Variants in AFF2 observed in about 807,000 individuals in gnomAD.
AFF2 encodes the protein AF4/FMR2 family member 2.
Under a neutral mutation model 76.9 loss-of-function variants are expected in AFF2, and 14 were observed. The observed-to-expected ratio is 0.18, with a 90% CI of 0.12 to 0.28. AFF2 has a LOEUF of 0.28. Ranked by LOEUF, AFF2 falls within the 10% of genes least tolerant of loss-of-function variation. The probability of loss-of-function intolerance (pLI) is 1.00; values close to 1 mark genes in which losing one functional copy is unlikely to be tolerated. For synonymous variants in AFF2, 398 were observed against 366.7 expected (o/e 1.09, Z -0.98); for missense variants, 868 against 1,001.1 (o/e 0.87, Z 1.79).
chrX:148,701,142 C>A (rs1557261851), intron 3 of AFF2, among the ~76,000 whole-genome samples: 1 of 109,955 alleles, frequency 9.1e-6, no homozygotes, highest in Non-Finnish European at 1.9e-5. Context: ...GTAATTCTGG[C>A]AGGAACAATT....
chrX:148,569,836 G>A (rs2053209000), intron 1 of AFF2, among the ~76,000 whole-genome samples: 1 of 111,397 alleles, frequency 9.0e-6, no homozygotes, highest in African/African-American at 3.3e-5. Flanking sequence ...AAAATGTAAT[G>A]TTTACCAAAC....
At chrX:148,940,587 G>A (rs904597563) in intron 9 of AFF2, among the ~76,000 whole-genome samples, 14 of 111,835 alleles carry the variant, frequency 1.3e-4, no homozygotes, top group South Asian at 7.6e-4. Flanking sequence ...GGTCCTGCCA[G>A]TTCTTGGTGA....
intron 7 of AFF2, among the ~76,000 whole-genome samples, chrX:148,847,201 C>T (rs2070678295): frequency 8.9e-6 from 1 of 112,136 alleles, no homozygotes; most frequent in African/African-American, 3.2e-5. Context: ...AGTGGCCTTC[C>T]CAAATGCATG....
At chrX:148,981,256 C>T (rs1352935614) in intron 19 of AFF2, among the ~76,000 whole-genome samples, 2 of 107,812 alleles carry the variant, frequency 1.9e-5, no homozygotes, top group African/African-American at 7.4e-5. Flanking sequence ...TACTAAAATG[C>T]CCTAGCCTAA....
chrX:148,714,686 G>T (rs1200541776), intron 3 of AFF2, among the ~76,000 whole-genome samples: 1 of 111,286 alleles, frequency 9.0e-6, no homozygotes, highest in Non-Finnish European at 1.9e-5. Flanking sequence ...TATGCCAATG[G>T]CCTGTCGATA....
intron 1 of AFF2, among the ~76,000 whole-genome samples, chrX:148,606,743 T>A (rs2053676260): frequency 8.9e-6 from 1 of 111,810 alleles, no homozygotes; most frequent in Admixed American, 9.5e-5. Context: ...AGTAGGCACT[T>A]CAGGACTTTG....
At chrX:148,742,792 G>C (rs781894925) in intron 3 of AFF2, among the ~76,000 whole-genome samples, 1 of 111,937 alleles carries the variant, frequency 8.9e-6, no homozygotes, top group African/African-American at 3.2e-5. Context: ...TCTATTCCTA[G>C]ACTTCCCATT....
intron 3 of AFF2, among the ~76,000 whole-genome samples, chrX:148,753,371 T>G (rs782656782): frequency 8.9e-6 from 1 of 111,804 alleles, no homozygotes; most frequent in Non-Finnish European, 1.9e-5. Context: ...CTGAGAAAAT[T>G]ATAAGCTGTG....
At chrX:148,846,639 G>T (rs1438771960) in intron 7 of AFF2, among the ~76,000 whole-genome samples, 2 of 111,356 alleles carry the variant, frequency 1.8e-5, no homozygotes, top group Non-Finnish European at 3.8e-5. Flanking sequence ...CTATGTTACA[G>T]TCTTGGAACA....
Position 148,688,841 on chromosome X carries a change from A to G in AFF2, c.1041+26073A>G, listed in dbSNP as rs782465586. Among the ~76,000 whole-genome samples the G allele has an allele frequency of 8.0e-5, 9 of 111,865 alleles. No individual in the cohort carries two copies. In the East Asian group the frequency reaches 2.5e-3, roughly 31 times the overall value. ...AAATACTATAGGCAACTGTAACACAATGGTAAGTATTTGTGTATCTAAACA... is the reference window on the plus strand; with the variant it reads ...AAATACTATAGGCAACTGTAACACAGTGGTAAGTATTTGTGTATCTAAACA... On this transcript the variant is annotated intron_variant, in intron 3 of 20. Transcript: ENST00000370460.
chrX:148,747,932 T>C (rs1336056477), intron 3 of AFF2, among the ~76,000 whole-genome samples: 1 of 111,596 alleles, frequency 9.0e-6, no homozygotes, highest in African/African-American at 3.3e-5. Flanking sequence ...ATTAAATTTC[T>C]ATCAAACAGT....
intron 1 of AFF2, among the ~76,000 whole-genome samples, chrX:148,588,900 T>A (rs181691375): frequency 4.3e-4 from 48 of 111,597 alleles, no homozygotes; most frequent in African/African-American, 1.5e-3. Context: ...ACTTTAGAGA[T>A]CACATGAGAC....
intron 9 of AFF2, among the ~76,000 whole-genome samples, chrX:148,920,492 C>G (rs1170312830): frequency 9.0e-6 from 1 of 111,651 alleles, no homozygotes; most frequent in Non-Finnish European, 1.9e-5. Context: ...TTCTCTCTTC[C>G]TTCAGCCAAT....
chrX:148,748,689 A>C (rs1250304012), intron 3 of AFF2, among the ~76,000 whole-genome samples: 2 of 111,671 alleles, frequency 1.8e-5, no homozygotes, highest in Non-Finnish European at 3.8e-5. Context: ...TGGGGGGCTC[A>C]GAGAGCACCC....
intron 1 of AFF2, among the ~76,000 whole-genome samples, chrX:148,576,682 C>T (rs2053290507): frequency 9.0e-6 from 1 of 110,919 alleles, no homozygotes; most frequent in Admixed American, 9.7e-5. Context: ...GAATTAGGCA[C>T]ATTTTGAATA....
intron 3 of AFF2, among the ~76,000 whole-genome samples, chrX:148,797,966 C>G (rs2124630514): frequency 8.9e-6 from 1 of 112,238 alleles, no homozygotes; most frequent in East Asian, 2.8e-4. Context: ...GTATACCCTC[C>G]CTGTCTTAGT....
chrX:148,581,053 A>G (rs1411332818), intron 1 of AFF2, among the ~76,000 whole-genome samples: 1 of 90,894 alleles, frequency 1.1e-5, no homozygotes, highest in African/African-American at 3.7e-5. Flanking sequence ...ATATACACAT[A>G]TGTGTATATG....
intron 1 of AFF2, among the ~76,000 whole-genome samples, chrX:148,648,226 G>T (rs1485366198): frequency 9.0e-6 from 1 of 111,138 alleles, no homozygotes; most frequent in Non-Finnish European, 1.9e-5. Context: ...TCTGTTTGTG[G>T]TGGCTAGGGA....
rs573568288 is a variant in AFF2, at chrX:148,894,056, A to G, written c.1359+8071A>G. Among the ~76,000 whole-genome samples, 7 of 111,776 alleles carry G rather than the reference A, an allele frequency of 6.3e-5. No individual in the cohort carries two copies. In the South Asian group the frequency reaches 2.7e-3, roughly 42 times the overall value. On this transcript the variant is annotated intron_variant, in intron 8 of 20. Transcript: ENST00000370460. ...TTCACTCTGGAGTCATCCATAAGTA[A>G]GTCCCAGGAAATGCACCATGTGTGC... is the stretch of plus-strand genomic sequence containing the variant.
Sources: allele counts gnomAD v4.1 joint callset (sites outside exome capture counted in the v4.1 genomes callset), GRCh38; gene constraint gnomAD v4.1.1; transcripts MANE v1.5; gene names NCBI Gene and HGNC (gene_info 2026-07-23, HGNC 2026-07-21).